The following USH2A variants were observed in gnomAD, a reference collection of about 807,000 sequenced individuals.
USH2A encodes the protein usherin.
In USH2A, 443 loss-of-function variants were observed where a neutral mutation model predicts 538.9. The ratio of observed to expected loss-of-function variants is 0.82; its 90% CI spans 0.76 to 0.89. The LOEUF is 0.89. Among genes scored for constraint, USH2A ranks in the 40% least tolerant of loss-of-function variants. The probability of loss-of-function intolerance (pLI) is 0.00; values close to 1 mark genes in which losing one functional copy is unlikely to be tolerated. For synonymous variants in USH2A, 2,413 were observed against 2,273.5 expected (o/e 1.06, Z -1.75); for missense variants, 6,633 against 6,324.8 (o/e 1.05, Z -1.65).
chr1:215,671,145 A>T lies in USH2A; in HGVS notation c.13960T>A (p.Ser4654Thr), dbSNP rs1235593137. The change falls in exon 64 of 72, where the codon TCT becomes ACT. Residue 4654 changes from serine to threonine, a missense_variant. Physicochemically the swap from Ser to Thr is moderately conservative, Grantham distance 58 (BLOSUM62 1). Coordinates refer to ENST00000307340, the MANE Select transcript of USH2A (RefSeq NM_206933.4). The stretch of plus-strand genomic sequence containing the variant: ...TGCAGCGGTCCTGTCCACAAAAGAG[A>T]AACAGTTGGCTGGAATCCTCCTGGA... ...MAPGGFQPTV[S>T]LLWTGPLQPN... is the part of the protein sequence containing the mutation. 2 of 1,614,154 alleles carry T rather than the reference A, an allele frequency of 1.2e-6. No individual in the cohort carries two copies. The highest frequency in any genetic ancestry group is 3.3e-5 in the Admixed American group (2 of 60,016).
Position 215,641,688 on chromosome 1 carries a change from GGAGT to G in USH2A, c.14792-958_14792-955del, listed in dbSNP as rs756103830. On this transcript the variant is annotated intron_variant, in intron 67 of 71. Transcript: ENST00000307340. ...CCAAATTGGCTTTTAAGAAAAGAAA[GGAGT>G]GAGTAGTGAGACTAAATTGAATCTG... 3.9e-5 allele frequency among the ~76,000 whole-genome samples: 6 copies of G among 152,084 alleles called. No individual in the cohort carries two copies. In the South Asian group the frequency reaches 1.0e-3, roughly 26 times the overall value.
At chr1:216,250,696 A>C (rs1166172000) in intron 12 of USH2A, among the ~76,000 whole-genome samples, 2 of 152,196 alleles carry the variant, frequency 1.3e-5, no homozygotes, top group Non-Finnish European at 2.9e-5. Context: ...AAACTTCTAA[A>C]GGGTTGATTA....
At chr1:215,970,593 C>T (rs1427239056) in intron 36 of USH2A, 32 bp downstream of exon 36, 1 of 1,612,892 alleles carries the variant, frequency 6.2e-7, no homozygotes, top group East Asian at 2.2e-5. Context: ...TGACATTTAA[C>T]ACATTCCTAG....
At chr1:215,864,783 A>C (rs1004898507) in intron 44 of USH2A, among the ~76,000 whole-genome samples, 11 of 152,058 alleles carry the variant, frequency 7.2e-5, no homozygotes, top group Admixed American at 6.5e-4. Context: ...CTTTTATCTC[A>C]CATATCATGT....
intron 48 of USH2A, among the ~76,000 whole-genome samples, chr1:215,814,213 A>G (rs1396564594): frequency 1.4e-5 from 2 of 146,614 alleles, no homozygotes; most frequent in Non-Finnish European, 3.0e-5. Flanking sequence ...ATAAAATTTT[A>G]ATTTTATATA....
chr1:216,399,949 AG>A (rs1453812380), intron 3 of USH2A, among the ~76,000 whole-genome samples: 1 of 149,916 alleles, frequency 6.7e-6, no homozygotes, highest in East Asian at 2.0e-4. Flanking sequence ...GAATAAAAAA[AG>A]AAGATGAATT....
chr1:216,084,550 T>C, intron 25 of USH2A, 148 bp downstream of exon 25: 1 of 776,302 alleles, frequency 1.3e-6, no homozygotes, highest in East Asian at 2.7e-5. Context: ...ATGTCAAGAA[T>C]ATATTTGTGT....
intron 21 of USH2A, among the ~76,000 whole-genome samples, chr1:216,111,672 T>C (rs1257685574): frequency 1.3e-5 from 2 of 149,862 alleles, no homozygotes; most frequent in East Asian, 2.0e-4. Context: ...AAATAAAATA[T>C]GCCAATACAA....
intron 12 of USH2A, among the ~76,000 whole-genome samples, chr1:216,248,834 C>G (rs1268315164): frequency 1.3e-5 from 2 of 152,066 alleles, no homozygotes; most frequent in African/African-American, 4.8e-5. Flanking sequence ...TAACGATAGT[C>G]AGGAAGGCCT....
intron 23 of USH2A, among the ~76,000 whole-genome samples, chr1:216,087,246 C>A (rs1385555049): frequency 6.6e-6 from 1 of 152,150 alleles, no homozygotes; most frequent in East Asian, 1.9e-4. Flanking sequence ...AGAGCCCAAT[C>A]CACTCCAATT....
At chr1:216,024,765 A>T (rs1371714789) in intron 32 of USH2A, among the ~76,000 whole-genome samples, 1 of 151,960 alleles carries the variant, frequency 6.6e-6, no homozygotes, top group East Asian at 1.9e-4. Flanking sequence ...TGTACAAGAT[A>T]ATTTCAGGTA....
At chr1:216,421,742 C>T (rs1300865149) in intron 2 of USH2A, 110 bp downstream of exon 2, 28 of 1,543,820 alleles carry the variant, frequency 1.8e-5, no homozygotes, top group Non-Finnish European at 2.1e-5. Flanking sequence ...GTCTTCAATA[C>T]CATGAATTCT....
intron 47 of USH2A, among the ~76,000 whole-genome samples, chr1:215,836,565 A>ATAATATATATATATATATATTTT (rs1553267793): frequency 3.0e-5 from 1 of 32,868 alleles, no homozygotes; most frequent in African/African-American, 9.2e-5. Context: ...ATATATATAT[A>ATAATATATATATATATATATTTT]TTTTTTTTTG....
intron 61 of USH2A, among the ~76,000 whole-genome samples, chr1:215,718,264 T>C (rs1400358444): frequency 6.6e-6 from 1 of 152,210 alleles, no homozygotes; most frequent in Non-Finnish European, 1.5e-5. Context: ...TCTCTCTACA[T>C]GAGAGGTCAC....
intron 35 of USH2A, among the ~76,000 whole-genome samples, chr1:215,972,160 T>G (rs1558188914): frequency 6.6e-6 from 1 of 152,268 alleles, no homozygotes; most frequent in East Asian, 1.9e-4. Flanking sequence ...GGCCTTCTAT[T>G]GGGTTTTGCC....
At chr1:215,877,036 T>A (rs1664790286) in intron 43 of USH2A, among the ~76,000 whole-genome samples, 1 of 152,184 alleles carries the variant, frequency 6.6e-6, no homozygotes, top group South Asian at 2.1e-4. Flanking sequence ...TTTCTGAAAT[T>A]TAATCACATT....
At chr1:216,332,950 A>G (rs1028056881) in intron 4 of USH2A, among the ~76,000 whole-genome samples, 1 of 152,122 alleles carries the variant, frequency 6.6e-6, no homozygotes, top group African/African-American at 2.4e-5. Flanking sequence ...ACTCCTACAA[A>G]CAATATACAG....
At chr1:216,344,164 T>A (rs779584388) in intron 4 of USH2A, among the ~76,000 whole-genome samples, 1 of 152,080 alleles carries the variant, frequency 6.6e-6, no homozygotes, top group Admixed American at 6.6e-5. Context: ...TCTTTACTTA[T>A]GCACATTTCC....
intron 56 of USH2A, among the ~76,000 whole-genome samples, chr1:215,766,170 G>A (rs1198364114): frequency 6.6e-6 from 1 of 152,156 alleles, no homozygotes; most frequent in Non-Finnish European, 1.5e-5. Flanking sequence ...CATCTCAGAA[G>A]TCATCTGCTC....
Sources: gnomAD v4.1 joint callset for allele counts (sites outside exome capture counted in the v4.1 genomes callset) on GRCh38, gnomAD v4.1.1 for gene constraint, MANE v1.5 for transcripts, NCBI Gene and HGNC (gene_info 2026-07-23, HGNC 2026-07-21) for gene names.